DLGAP1: variants seen among roughly 807,000 people sequenced by gnomAD.
DLGAP1 encodes the protein disks large-associated protein 1.
A neutral mutation model predicts 90.8 loss-of-function variants in DLGAP1; 11 were observed. That is an observed-to-expected ratio of 0.12 (90% CI 0.08 to 0.20). The LOEUF is 0.20. Ranked by LOEUF, DLGAP1 falls within the 10% of genes least tolerant of loss-of-function variation. The pLI, the probability that DLGAP1 is intolerant of heterozygous loss-of-function variation, is 1.00. For synonymous variants in DLGAP1, 558 were observed against 540.7 expected (o/e 1.03, Z -0.44); for missense variants, 1,050 against 1,333.8 (o/e 0.79, Z 3.31).
chr18:3,646,873 C>T (rs909045953), intron 7 of DLGAP1, among the ~76,000 whole-genome samples: 1 of 151,766 alleles, frequency 6.6e-6, no homozygotes, highest in Non-Finnish European at 1.5e-5. Context: ...TGCAGTGAGC[C>T]AAGATCGAAC....
At chr18:3,671,184 CTTTTT>C (rs11311056) in intron 7 of DLGAP1, among the ~76,000 whole-genome samples, 1 of 143,478 alleles carries the variant, frequency 7.0e-6, no homozygotes, top group African/African-American at 2.6e-5. Context: ...CTCTTTGCTG[CTTTTT>C]TTTTTTTTTT....
intron 1 of DLGAP1, among the ~76,000 whole-genome samples, chr18:4,366,694 C>T (rs1405378441): frequency 6.6e-6 from 1 of 151,772 alleles, no homozygotes; most frequent in Non-Finnish European, 1.5e-5. Flanking sequence ...GCTCTACCTC[C>T]CAACGTCCAT....
chr18:4,419,873 T>C (rs34242099), intron 1 of DLGAP1, among the ~76,000 whole-genome samples: 5,864 of 151,936 alleles, frequency 0.039, 145 homozygotes, highest in Non-Finnish European at 0.064. Context: ...GTAAGACAAA[T>C]AGAAAACAGC....
chr18:3,884,831 A>G (rs1486537606), intron 3 of DLGAP1, among the ~76,000 whole-genome samples: 23 of 152,224 alleles, frequency 1.5e-4, no homozygotes, highest in Admixed American at 1.5e-3. Flanking sequence ...AGAGATATTG[A>G]GATCTTGATC....
intron 5 of DLGAP1, among the ~76,000 whole-genome samples, chr18:3,791,940 G>A (rs1442234668): frequency 2.6e-5 from 4 of 152,110 alleles, no homozygotes; most frequent in African/African-American, 9.7e-5. Flanking sequence ...AAAGGCAAAT[G>A]GGCAATTCAT....
intron 7 of DLGAP1, among the ~76,000 whole-genome samples, chr18:3,682,436 C>T (rs564000146): frequency 6.6e-6 from 1 of 152,240 alleles, no homozygotes; most frequent in African/African-American, 2.4e-5. Context: ...ATACACATGG[C>T]CTTTTTGGAA....
intron 4 of DLGAP1, among the ~76,000 whole-genome samples, chr18:3,820,047 G>GT (rs1451481226): frequency 1.3e-5 from 2 of 152,162 alleles, no homozygotes; most frequent in Non-Finnish European, 2.9e-5. Context: ...TTATCAAAGT[G>GT]TAGCTAAATA....
chr18:4,190,391 A>T (rs1370045680), intron 1 of DLGAP1, among the ~76,000 whole-genome samples: 1 of 152,100 alleles, frequency 6.6e-6, no homozygotes, highest in Non-Finnish European at 1.5e-5. Context: ...TGGTTGAAGT[A>T]CAAGAAAACT....
intron 2 of DLGAP1, among the ~76,000 whole-genome samples, chr18:4,090,536 G>T (rs762147358): frequency 1.3e-5 from 2 of 152,024 alleles, no homozygotes; most frequent in South Asian, 2.1e-4. Context: ...AATTAAAACC[G>T]CAATGAGATA....
At chr18:4,027,769 C>A (rs971154811) in intron 2 of DLGAP1, among the ~76,000 whole-genome samples, 2 of 152,080 alleles carry the variant, frequency 1.3e-5, no homozygotes, top group African/African-American at 4.8e-5. Flanking sequence ...AGAGAGATAG[C>A]AAAATGTAAC....
At chr18:3,833,484 C>G (rs1195345420) in intron 4 of DLGAP1, among the ~76,000 whole-genome samples, 2 of 152,168 alleles carry the variant, frequency 1.3e-5, no homozygotes, top group African/African-American at 4.8e-5. Context: ...ATCTGCCCGC[C>G]TCAGCCTCCC....
intron 1 of DLGAP1, among the ~76,000 whole-genome samples, chr18:4,170,105 A>C (rs1473016113): frequency 1.3e-5 from 2 of 152,200 alleles, no homozygotes; most frequent in Non-Finnish European, 2.9e-5. Flanking sequence ...TCCACCTTCC[A>C]TCATCAAGTG....
At chr18:4,009,193 G>A (rs541510216) in intron 2 of DLGAP1, among the ~76,000 whole-genome samples, 2 of 152,264 alleles carry the variant, frequency 1.3e-5, no homozygotes, top group South Asian at 4.1e-4. Context: ...GTGAGCCACT[G>A]CACCTGGCCG....
At chr18:3,584,407 T>G (rs1460907878) in intron 7 of DLGAP1, among the ~76,000 whole-genome samples, 1 of 152,040 alleles carries the variant, frequency 6.6e-6, no homozygotes, top group Non-Finnish European at 1.5e-5. Flanking sequence ...GCTTCAACAT[T>G]GAAGATGTTT....
chr18:4,407,153 C>G (rs2082680838), intron 1 of DLGAP1, among the ~76,000 whole-genome samples: 1 of 151,996 alleles, frequency 6.6e-6, no homozygotes, highest in Non-Finnish European at 1.5e-5. Context: ...TTTAGCAATG[C>G]AAATTTTACC....
intron 1 of DLGAP1, among the ~76,000 whole-genome samples, chr18:4,299,234 A>ACTCTGTT (rs1598846792): frequency 1.3e-5 from 2 of 152,314 alleles, no homozygotes; most frequent in East Asian, 3.9e-4. Context: ...TTTACAAACC[A>ACTCTGTT]CAAAACATAC....
intron 7 of DLGAP1, among the ~76,000 whole-genome samples, chr18:3,692,831 TC>T (rs1285232826): frequency 3.3e-5 from 5 of 152,102 alleles, no homozygotes; most frequent in African/African-American, 9.7e-5. Flanking sequence ...TCAAACAACT[TC>T]TCTAGTGTTC....
At chr18:4,309,782 C>T (rs2080352797) in intron 1 of DLGAP1, among the ~76,000 whole-genome samples, 1 of 152,136 alleles carries the variant, frequency 6.6e-6, no homozygotes. Flanking sequence ...CATTTCTAAA[C>T]CTCAGTTTTC....
intron 5 of DLGAP1, among the ~76,000 whole-genome samples, chr18:3,784,730 G>T (rs62083257): frequency 0.21 from 31,374 of 152,158 alleles, 3,382 homozygotes; most frequent in Admixed American, 0.24. Context: ...GAGCCTTGGG[G>T]AAAAGGCGCT....
Sources: allele counts gnomAD v4.1 joint callset (sites outside exome capture counted in the v4.1 genomes callset), GRCh38; gene constraint gnomAD v4.1.1; transcripts MANE v1.5; gene names NCBI Gene and HGNC (gene_info 2026-07-23, HGNC 2026-07-21).